The following ZNF343 variants were observed in gnomAD, a reference collection of about 807,000 sequenced individuals.
The protein encoded by ZNF343 is zinc finger protein 343.
In ZNF343, 11 loss-of-function variants were observed where a neutral mutation model predicts 13.8. The ratio of observed to expected loss-of-function variants is 0.80; its 90% CI spans 0.50 to 1.32. The LOEUF (loss-of-function observed/expected upper bound fraction) is 1.32. Among genes scored for constraint, ZNF343 ranks in the 40% most tolerant of loss-of-function variants. The pLI is 0.00. For synonymous variants in ZNF343, 248 were observed against 260.0 expected (o/e 0.95, Z 0.44); for missense variants, 658 against 714.2 (o/e 0.92, Z 0.90).
chr20:2,507,907 C>T (rs1488439963), intron 1 of ZNF343, among the ~76,000 whole-genome samples: 1 of 152,100 alleles, frequency 6.6e-6, no homozygotes, highest in African/African-American at 2.4e-5. Flanking sequence ...TAACTAGAAG[C>T]CGTCAGAGTT....
intron 1 of ZNF343, among the ~76,000 whole-genome samples, chr20:2,507,264 CAAAAAAAAA>C (rs775388577): frequency 1.2e-3 from 71 of 57,812 alleles, no homozygotes; most frequent in African/African-American, 4.1e-3. Context: ...AACTGTGTCT[CAAAAAAAAA>C]AAAAAAAAAA....
intron 1 of ZNF343, among the ~76,000 whole-genome samples, chr20:2,522,532 T>C (rs2122766635): frequency 6.6e-6 from 1 of 152,376 alleles, no homozygotes; most frequent in Non-Finnish European, 1.5e-5. Flanking sequence ...TGTTCGTCTG[T>C]CTTTCTGAGC....
intron 1 of ZNF343, among the ~76,000 whole-genome samples, chr20:2,507,491 A>G (rs2085682433): frequency 6.6e-6 from 1 of 152,122 alleles, no homozygotes; most frequent in Non-Finnish European, 1.5e-5. Flanking sequence ...CTAAACTCTT[A>G]CTGTATACCA....
rs1568469851 is a variant in ZNF343, at chr20:2,483,325, C to T, written c.1636G>A (p.Glu546Lys). ...CACTCACTGCACACGTAAGGCTTCT[C>T]TCCTGAGTGTGTCCTCTCATGTACA... is the stretch of plus-strand genomic sequence containing the variant. ...LIVHERTHSG[E>K]KPYVCSECGR... The change falls in exon 6 of 6, where the codon GAG (glutamate) becomes AAG (lysine). Residue 546 changes from glutamate (E) to lysine (K), a missense_variant. Physicochemically the swap from Glu to Lys is moderately conservative, Grantham distance 56. Transcript: ENST00000278772. 2 of 1,611,606 alleles carry T rather than the reference C, an allele frequency of 1.2e-6. No individual in the cohort carries two copies. The highest frequency in any genetic ancestry group is 1.7e-6 in the Non-Finnish European group (2 of 1,179,454).
chr20:2,505,043 T>C (rs1202036208), intron 1 of ZNF343, among the ~76,000 whole-genome samples: 1 of 152,144 alleles, frequency 6.6e-6, no homozygotes, highest in Non-Finnish European at 1.5e-5. Context: ...AGCTTGTATA[T>C]CTAGAAAAGC....
At chr20:2,487,398 G>T (rs1489893320) in intron 5 of ZNF343, among the ~76,000 whole-genome samples, 1 of 151,984 alleles carries the variant, frequency 6.6e-6, no homozygotes. Flanking sequence ...ATTACTTTGT[G>T]GGAAAAGAAA....
chr20:2,507,409 G>A (rs1296026864), intron 1 of ZNF343, among the ~76,000 whole-genome samples: 1 of 152,110 alleles, frequency 6.6e-6, no homozygotes, highest in African/African-American at 2.4e-5. Context: ...CTGACAAGCT[G>A]CTATTACATA....
At chr20:2,490,862 A>G (rs942429681) in intron 5 of ZNF343, among the ~76,000 whole-genome samples, 4 of 152,198 alleles carry the variant, frequency 2.6e-5, no homozygotes, top group East Asian at 3.8e-4. Flanking sequence ...AAAATTATAA[A>G]TCATTTTTTT....
chr20:2,508,233 C>A lies in ZNF343; in HGVS notation c.-237+648G>T, dbSNP rs1382391358. On this transcript the variant is annotated intron_variant, in intron 1 of 5. Coordinates refer to ENST00000278772, the MANE Select transcript of ZNF343 (RefSeq NM_024325.6). This position sits in a 1 kb window ranked among gnomAD's most constrained non-coding sequence, Gnocchi z 4.5. ...GGACTCCTGACCCAAGACACTCGCC[C>A]AGGCCCTCTCAGGATATTTTGACCA... 6.6e-6 allele frequency among the ~76,000 whole-genome samples: 1 copy of A among 152,110 alleles called. No individual in the cohort carries two copies. Among genetic ancestry groups the A allele is most frequent in the Non-Finnish European group, 1.5e-5 (1 of 68,022 alleles).
intron 1 of ZNF343, among the ~76,000 whole-genome samples, chr20:2,515,803 G>T (rs906494205): frequency 7.2e-5 from 11 of 152,152 alleles, no homozygotes; most frequent in Admixed American, 3.9e-4. Context: ...AGACTTCGAG[G>T]TTCAACATGA....
Position 2,508,721 on chromosome 20 carries a change from G to C in ZNF343, c.-237+160C>G, listed in dbSNP as rs551370067. The C allele has an allele frequency of 1.3e-5, 2 of 152,456 alleles. No homozygotes were observed. The highest frequency in any genetic ancestry group is 3.9e-4 in the East Asian group (2 of 5,162). 9.4% of individuals were successfully genotyped at this position (152,456 alleles called of 1,614,324 possible). A position where few individuals can be genotyped will look rare whatever the true frequency, so the allele number is the denominator to read the frequency against. On this transcript the variant is annotated intron_variant, in intron 1 of 5. Transcript: ENST00000278772. The surrounding 1 kb of genome is among the most constrained non-coding windows in gnomAD (Gnocchi z 4.5). The stretch of plus-strand genomic sequence containing the variant: ...ATCGCCTCGCCCCAATGAGCACCGC[G>C]AGCTGCGCCCTCTCCTCCAAAAACC...
chr20:2,523,095 T>A (rs901324588), intron 1 of ZNF343, among the ~76,000 whole-genome samples: 8 of 152,218 alleles, frequency 5.3e-5, no homozygotes, highest in African/African-American at 1.9e-4. Context: ...AAAATGGTGA[T>A]GAAAATGAAC....
At chr20:2,489,107 C>T (rs2085326579) in intron 5 of ZNF343, among the ~76,000 whole-genome samples, 1 of 152,058 alleles carries the variant, frequency 6.6e-6, no homozygotes, top group African/African-American at 2.4e-5. Context: ...TATTAGATAC[C>T]ATTAACTTTG....
intron 5 of ZNF343, chr20:2,492,211 T>C (rs1287522688): frequency 6.3e-6 from 1 of 157,872 alleles, no homozygotes; most frequent in African/African-American, 2.4e-5. Flanking sequence ...TTGCAAACCA[T>C]GCCCCCAGCC....
At chr20:2,485,440 T>C (rs2085267379) in intron 5 of ZNF343, among the ~76,000 whole-genome samples, 1 of 152,260 alleles carries the variant, frequency 6.6e-6, no homozygotes, top group Non-Finnish European at 1.5e-5. Context: ...AATGACCACG[T>C]ACTTGGCCCC....
rs766758120 is a variant in ZNF343, at chr20:2,484,519, G to A, written c.442C>T (p.Pro148Ser). 2.5e-6 allele frequency: 4 copies of A among 1,614,082 alleles called. No homozygotes were observed. In the South Asian group the frequency reaches 3.3e-5, roughly 13 times the overall value. The change falls in exon 6 of 6, where the codon CCA (proline) becomes TCA (serine). Residue 148 changes from proline (P) to serine (S), a missense_variant. Physicochemically the swap from Pro to Ser is moderately conservative, Grantham distance 74. Transcript: ENST00000278772. ...ENHFHPGNSSPGHWKQQGQQY... is the reference protein window; with the variant it reads ...ENHFHPGNSSSGHWKQQGQQY... ...TGCCCCTGCTGTTTCCAATGCCCTG[G>A]GCTAGAATTCCCTGGATGGAAGTGA...
chr20:2,496,550 G>A (rs1047887545), intron 2 of ZNF343, among the ~76,000 whole-genome samples: 1 of 152,158 alleles, frequency 6.6e-6, no homozygotes, highest in Non-Finnish European at 1.5e-5. Flanking sequence ...AGATGTCTCT[G>A]GCTGGTAGAC....
chr20:2,500,903 T>C (rs1287445560), intron 1 of ZNF343, among the ~76,000 whole-genome samples, 161 bp from the exon 2 acceptor site: 1 of 152,286 alleles, frequency 6.6e-6, no homozygotes, highest in Non-Finnish European at 1.5e-5. Context: ...GACAGGTGTT[T>C]TCTGCATTTC....
chr20:2,497,847 T>C (rs1160675943), intron 2 of ZNF343, among the ~76,000 whole-genome samples: 2 of 152,100 alleles, frequency 1.3e-5, no homozygotes, highest in Admixed American at 1.3e-4. Context: ...AACCTACTTC[T>C]CAATCTGAAC....
Sources: gnomAD v4.1 joint callset for allele counts (sites outside exome capture counted in the v4.1 genomes callset) on GRCh38, gnomAD v4.1.1 for gene constraint, Gnocchi (gnomAD v3.1) non-coding constraint, MANE v1.5 for transcripts, NCBI Gene and HGNC (gene_info 2026-07-23, HGNC 2026-07-21) for gene names.